Variants in CELF1 observed in about 807,000 individuals in gnomAD.
The protein encoded by CELF1 is CUGBP Elav-like family member 1, also known as 50 kDa nuclear polyadenylated RNA-binding protein.
In CELF1, 10 loss-of-function variants were observed where a neutral mutation model predicts 61.8. The observed-to-expected ratio is 0.16, with a 90% CI of 0.10 to 0.27. CELF1 has a LOEUF of 0.27. Ranked by LOEUF, CELF1 falls within the 10% of genes least tolerant of loss-of-function variation. The probability of loss-of-function intolerance (pLI) is 1.00; values close to 1 mark genes in which losing one functional copy is unlikely to be tolerated. For synonymous variants in CELF1, 236 were observed against 225.1 expected (o/e 1.05, Z -0.43); for missense variants, 380 against 639.1 (o/e 0.59, Z 4.37).
At chr11:47,477,088 T>C (rs2080559009) in intron 11 of CELF1, 129 bp from the exon 12 acceptor site, 1 of 902,976 alleles carries the variant, frequency 1.1e-6, no homozygotes, top group Non-Finnish European at 1.8e-6. Context: ...CAACTGTCCT[T>C]GCAGGACAGA....
At chr11:47,542,097 C>T (rs1023151729) in intron 1 of CELF1, among the ~76,000 whole-genome samples, 1 of 152,062 alleles carries the variant, frequency 6.6e-6, no homozygotes, top group Non-Finnish European at 1.5e-5. Flanking sequence ...GGGCTGGGCG[C>T]GGTGGCGTGC....
chr11:47,525,639 G>T (rs1427770678), intron 1 of CELF1, among the ~76,000 whole-genome samples: 6 of 152,116 alleles, frequency 3.9e-5, no homozygotes. Context: ...GGTATCATAG[G>T]GGCTACAGCA....
rs761587800 is a variant in CELF1, at chr11:47,545,867, C to CTGTGTGTG, written c.-154+7124_-154+7125insCACACACA. ...TATGTATACGTGTGTGTGTGTGTGT[C>CTGTGTGTG]TGCGTGTGTGTGTGTGTGTGTGTGT... On this transcript the variant is annotated intron_variant, in intron 1 of 14. Transcript: ENST00000687097. 8.4e-3 allele frequency among the ~76,000 whole-genome samples: 1,024 copies of CTGTGTGTG among 121,618 alleles called. 21 individuals carry two copies. Among genetic ancestry groups the CTGTGTGTG allele is most frequent in the Middle Eastern group, 0.025 (6 of 242 alleles). The allele number at this position is 121,618 out of a possible 152,430, so 79.8% of individuals were successfully genotyped here.
At chr11:47,539,375 G>C (rs920442109) in intron 1 of CELF1, among the ~76,000 whole-genome samples, 4 of 152,182 alleles carry the variant, frequency 2.6e-5, no homozygotes, top group African/African-American at 9.6e-5. Context: ...CCAACAGCTG[G>C]GTGTGGTGGC....
rs750162270 is a variant in CELF1, at chr11:47,484,540, GA to G, written c.392-18del. 1.6e-5 allele frequency: 25 copies of G among 1,595,994 alleles called. No individual in the cohort carries two copies. The highest frequency in any genetic ancestry group is 2.1e-5 in the Non-Finnish European group (25 of 1,173,968). On this transcript the variant is annotated intron_variant, in intron 6 of 14. Transcript: ENST00000687097. ...CTTCCACTGCTAAGAGAGTAAAACA[GA>G]AAAGACTTGAATATTACTACTTAAA...
At chr11:47,559,611 T>G (rs1418114751) in intron 2 of CELF1, among the ~76,000 whole-genome samples, 4 of 152,132 alleles carry the variant, frequency 2.6e-5, no homozygotes, top group Non-Finnish European at 5.9e-5. Context: ...CAGGTAGATG[T>G]GAACCATGGC....
At chr11:47,523,752 T>G (rs1296621534) in intron 1 of CELF1, 1 of 152,238 alleles carries the variant, frequency 6.6e-6, no homozygotes, top group Non-Finnish European at 1.5e-5. Context: ...CAACACTGCA[T>G]GCTTATGACT....
intron 1 of CELF1, among the ~76,000 whole-genome samples, chr11:47,523,009 A>C (rs2096032741): frequency 6.6e-6 from 1 of 152,126 alleles, no homozygotes; most frequent in Admixed American, 6.6e-5. Flanking sequence ...GTTAGAGTCC[A>C]GTATATCTTC....
chr11:47,472,327 G>A lies in CELF1; in HGVS notation c.1448C>T (p.Ala483Val). ...GTTCATGGACTGGATGGCAGCTTGG[G>A]CCGAAACAGGATTGTCGTAACTTAC... ...GFVSYDNPVS[A>V]QAAIQSMNGF... Residue 483 changes from alanine (A) to valine (V), a missense_variant, in exon 15 of 15, where the codon GCC (alanine) becomes GTC (valine). Transcript: ENST00000687097. The A allele has an allele frequency of 6.2e-7, 1 of 1,614,096 alleles. No individual in the cohort carries two copies. The highest frequency in any genetic ancestry group is 1.1e-5 in the South Asian group (1 of 91,074).
rs1419287015 is a variant in CELF1 at position 47,468,629 on chromosome 11, G to GC, written c.*3600dup. 1.3e-5 allele frequency: 2 copies of GC among 151,728 alleles called. No homozygotes were observed. Among genetic ancestry groups the GC allele is most frequent in the Non-Finnish European group, 2.9e-5 (2 of 67,926 alleles). 9.4% of individuals were successfully genotyped at this position (151,728 alleles called of 1,614,324 possible). On this transcript the variant is annotated 3_prime_UTR_variant, in exon 15 of 15. Transcript: ENST00000687097. Reference sequence around the variant, plus strand: ...AAATAGATTTTTTTTATATTCAAATGCAAGTTTAAATATTTCCCCTTCAGC... The same window carrying GC: ...AAATAGATTTTTTTTATATTCAAATGCCAAGTTTAAATATTTCCCCTTCAGC...
chr11:47,483,536 GTA>G lies in CELF1; in HGVS notation c.527-6_527-5del, dbSNP rs1565777674. 1.9e-6 allele frequency: 3 copies of G among 1,612,304 alleles called. No individual in the cohort carries two copies. The highest frequency in any genetic ancestry group is 1.3e-5 in the African/African-American group (1 of 74,980). On this transcript the variant is annotated splice_polypyrimidine_tract_variant and splice_region_variant and intron_variant, in intron 7 of 14. Transcript: ENST00000687097. Reference sequence around the variant, plus strand: ...GTAAAAGTCACAAATGCACAACCTGGTAAGAGAAGAGTCAGTAACTCATGCAT... The same window carrying G: ...GTAAAAGTCACAAATGCACAACCTGGAGAGAAGAGTCAGTAACTCATGCAT...
intron 1 of CELF1, among the ~76,000 whole-genome samples, chr11:47,516,007 C>T (rs2095533055): frequency 2.6e-5 from 4 of 151,634 alleles, no homozygotes. Context: ...ACCTCTGCCT[C>T]CCGGGTTCAA....
chr11:47,511,224 TA>T (rs2095131017), intron 1 of CELF1, among the ~76,000 whole-genome samples: 1 of 152,026 alleles, frequency 6.6e-6, no homozygotes, highest in Non-Finnish European at 1.5e-5. Context: ...CTATCCAGAT[TA>T]GAGGTTTTTA....
At chr11:47,555,939 G>C (rs1181258906), upstream of CELF1, among the ~76,000 whole-genome samples, 1 of 149,538 alleles carries the variant, frequency 6.7e-6, no homozygotes, top group Non-Finnish European at 1.5e-5. Context: ...GACGGTGGTT[G>C]CAGTGAGTCG....
intron 1 of CELF1, among the ~76,000 whole-genome samples, chr11:47,527,391 A>T (rs1246973654): frequency 6.6e-6 from 1 of 152,038 alleles, no homozygotes; most frequent in East Asian, 1.9e-4. Context: ...ACACTGCCTC[A>T]AAAAACAAAA....
intron 1 of CELF1, among the ~76,000 whole-genome samples, chr11:47,525,305 A>T (rs1024512162): frequency 6.6e-6 from 1 of 152,218 alleles, no homozygotes; most frequent in Non-Finnish European, 1.5e-5. Flanking sequence ...TGTGTTCCAA[A>T]AATTATTTTA....
chr11:47,548,267 C>T (rs1303042384), intron 1 of CELF1, among the ~76,000 whole-genome samples: 2 of 152,036 alleles, frequency 1.3e-5, no homozygotes, highest in Non-Finnish European at 2.9e-5. Context: ...TCACTGCACT[C>T]TAGGCTGGGT....
chr11:47,513,236 T>C (rs2095340080), intron 1 of CELF1, among the ~76,000 whole-genome samples: 1 of 152,258 alleles, frequency 6.6e-6, no homozygotes, highest in South Asian at 2.1e-4. Flanking sequence ...GTTAGTGAAC[T>C]ATGTTTCAAC....
In CELF1 at chr11:47,546,003, C is replaced by G. The variant is rs533834835; in HGVS notation, c.-154+6989G>C. On this transcript the variant is annotated intron_variant, in intron 1 of 14. Coordinates refer to ENST00000687097, the MANE Select transcript of CELF1 (RefSeq NM_001376376.1). ...TCAGCTCACTGCAAGCTCCGCCTCC[C>G]GGGTTCACGCCATTCTCCTGCCTCA... Among the ~76,000 whole-genome samples, 146 of 150,908 alleles carry G rather than the reference C, an allele frequency of 9.7e-4. 1 individual carries two copies. The East Asian group carries it at 0.027, about 27-fold the overall frequency.
Sources: allele counts gnomAD v4.1 joint callset (sites outside exome capture counted in the v4.1 genomes callset), GRCh38; gene constraint gnomAD v4.1.1; transcripts MANE v1.5; gene names NCBI Gene and HGNC (gene_info 2026-07-23, HGNC 2026-07-21).